Variants in TACR1 observed in about 807,000 individuals in gnomAD.
TACR1 encodes the protein substance-P receptor.
In TACR1, 25 loss-of-function variants were observed where a neutral mutation model predicts 35.8. That is an observed-to-expected ratio of 0.70 (90% CI 0.51 to 0.98). The LOEUF (loss-of-function observed/expected upper bound fraction) is 0.98, where lower values mean the gene tolerates loss of function less well. Ranked by LOEUF, TACR1 falls within the 50% of genes least tolerant of loss-of-function variation. The pLI, the probability that TACR1 is intolerant of heterozygous loss-of-function variation, is 0.00. For missense variants in TACR1, 478 were observed against 522.9 expected, an observed-to-expected ratio of 0.91 and a Z score of 0.84; for synonymous variants, 195 against 206.7, an observed-to-expected ratio of 0.94 and a Z score of 0.48.
intron 1 of TACR1, among the ~76,000 whole-genome samples, chr2:75,183,451 G>A (rs746106421): frequency 6.6e-6 from 1 of 152,138 alleles, no homozygotes; most frequent in Non-Finnish European, 1.5e-5. Context: ...TCACAGTCTT[G>A]TCAAATGTCT....
chr2:75,179,810 G>A (rs554864719), intron 1 of TACR1, among the ~76,000 whole-genome samples: 2 of 152,326 alleles, frequency 1.3e-5, no homozygotes, highest in African/African-American at 4.8e-5. Flanking sequence ...TTTTCAGGGA[G>A]GTTCTCAGGA....
At position 75,161,325 on chromosome 2, in the gene TACR1, A is replaced by G. The variant is rs80053375; in HGVS notation, c.389+37221T>C. ...TTATAATATCATTATGAGGCTTATT[A>G]CAAATGTCAAAAATAGCTCTTTAAA... On this transcript the variant is annotated intron_variant, in intron 1 of 4. Transcript: ENST00000305249. Among the ~76,000 whole-genome samples the G allele has an allele frequency of 6.3e-3, 956 of 152,264 alleles. 13 individuals are homozygous for G. The highest frequency in any genetic ancestry group is 0.022 in the African/African-American group (911 of 41,572).
chr2:75,068,899 C>T (rs1041601285), intron 2 of TACR1, among the ~76,000 whole-genome samples: 6 of 152,184 alleles, frequency 3.9e-5, no homozygotes, highest in African/African-American at 1.4e-4. Context: ...ATCAGTATGG[C>T]ATACATACTT....
chr2:75,171,847 C>G (rs909626234), intron 1 of TACR1, among the ~76,000 whole-genome samples: 1 of 152,168 alleles, frequency 6.6e-6, no homozygotes, highest in African/African-American at 2.4e-5. Flanking sequence ...AACTAACTTG[C>G]TTTTGATTTT....
intron 1 of TACR1, among the ~76,000 whole-genome samples, chr2:75,128,827 C>G (rs1416751949): frequency 3.9e-5 from 6 of 152,158 alleles, no homozygotes; most frequent in African/African-American, 1.4e-4. Context: ...TATATGGAAT[C>G]TCATGCTTGC....
At chr2:75,055,292 A>T (rs1672547440) in intron 2 of TACR1, among the ~76,000 whole-genome samples, 2 of 152,238 alleles carry the variant, frequency 1.3e-5, no homozygotes, top group Admixed American at 6.5e-5. Flanking sequence ...GAAGATACTC[A>T]AAGACTGCTT....
At chr2:75,100,843 T>C (rs1013489353) in intron 2 of TACR1, among the ~76,000 whole-genome samples, 2 of 152,220 alleles carry the variant, frequency 1.3e-5, no homozygotes, top group African/African-American at 4.8e-5. Flanking sequence ...TTCAGAAGAA[T>C]GCAACCTTCA....
intron 1 of TACR1, among the ~76,000 whole-genome samples, chr2:75,163,329 A>G (rs1675056614): frequency 6.6e-6 from 1 of 152,184 alleles, no homozygotes; most frequent in Non-Finnish European, 1.5e-5. Context: ...TTTTGGGCTC[A>G]AGTTCTTTAG....
chr2:75,051,512 C>T, intron 3 of TACR1, 65 bp from the exon 4 acceptor site: 1 of 1,591,448 alleles, frequency 6.3e-7, no homozygotes, highest in Non-Finnish European at 8.5e-7. Flanking sequence ...TGCTTCCTCT[C>T]TCCTCCCACG....
intron 2 of TACR1, among the ~76,000 whole-genome samples, chr2:75,089,795 G>A (rs1163911085): frequency 6.6e-6 from 1 of 152,014 alleles, no homozygotes; most frequent in Non-Finnish European, 1.5e-5. Flanking sequence ...AGGGGAATCT[G>A]GGCTTGAAGG....
At chr2:75,171,746 G>A (rs1185019683) in intron 1 of TACR1, among the ~76,000 whole-genome samples, 4 of 152,226 alleles carry the variant, frequency 2.6e-5, no homozygotes, top group African/African-American at 9.6e-5. Context: ...GGACTTGCAT[G>A]GGGCCTGTAG....
At chr2:75,065,029 A>G (rs142647295) in intron 2 of TACR1, among the ~76,000 whole-genome samples, 2 of 152,342 alleles carry the variant, frequency 1.3e-5, no homozygotes, top group Non-Finnish European at 2.9e-5. Context: ...GCCTGGCAAG[A>G]TGATATCAGT....
Position 75,066,978 on chromosome 2 carries a change from C to T in TACR1, c.585-13223G>A, listed in dbSNP as rs139774632. Among the ~76,000 whole-genome samples, 134 of 151,414 alleles carry T rather than the reference C, an allele frequency of 8.8e-4. 1 individual carries two copies. Among genetic ancestry groups the T allele is most frequent in the African/African-American group, 3.0e-3 (124 of 41,324 alleles). ...TCTTTTATGCAACCTCCTCGTCTTA[C>T]AAAAAAAAGGTCTTTATTGCTGGAA... On this transcript the variant is annotated intron_variant, in intron 2 of 4. Transcript: ENST00000305249.
chr2:75,111,817 T>C (rs1444929935), intron 2 of TACR1, among the ~76,000 whole-genome samples: 1 of 151,988 alleles, frequency 6.6e-6, no homozygotes, highest in Non-Finnish European at 1.5e-5. Flanking sequence ...AAACCAAGAA[T>C]GGTGGTTGTC....
chr2:75,090,695 C>T (rs562193810), intron 2 of TACR1: 2 of 154,028 alleles, frequency 1.3e-5, no homozygotes, highest in South Asian at 2.0e-4. Context: ...TCTGTATGCT[C>T]TCTTACACCT....
rs1224622181 is a variant in TACR1 at position 75,199,364 on chromosome 2, G to C, written c.-430C>G. 5.9e-6 allele frequency: 1 copy of C among 168,282 alleles called. No individual in the cohort carries two copies. Among genetic ancestry groups the C allele is most frequent in the East Asian group, 1.5e-4 (1 of 6,674 alleles). The allele number at this position is 168,282 out of a possible 1,614,324, so 10.4% of individuals were successfully genotyped here. A position where few individuals can be genotyped will look rare whatever the true frequency, so the allele number is the denominator to read the frequency against. On this transcript the variant is annotated 5_prime_UTR_variant, in exon 1 of 5. Transcript: ENST00000305249. ...CTGTGCTGCGTGAGGACTTAGGAGC[G>C]AAGTGGGGGCCCATTGCAGCGCGAC...
intron 2 of TACR1, among the ~76,000 whole-genome samples, chr2:75,077,231 A>C (rs1301736697): frequency 6.6e-6 from 1 of 152,154 alleles, no homozygotes; most frequent in African/African-American, 2.4e-5. Flanking sequence ...TGGCCTCCCA[A>C]AGTGCTGGGA....
chr2:75,128,013 G>T lies in TACR1; in HGVS notation c.390-7245C>A, dbSNP rs72807382. 2.4e-3 allele frequency among the ~76,000 whole-genome samples: 369 copies of T among 152,276 alleles called. 3 individuals carry two copies. The highest frequency in any genetic ancestry group is 8.4e-3 in the African/African-American group (348 of 41,566). On this transcript the variant is annotated intron_variant, in intron 1 of 4. Coordinates refer to ENST00000305249, the MANE Select transcript of TACR1 (RefSeq NM_001058.4). ...TTATAGCAGAACAATCTGTGCTCCT[G>T]TTCTATCCCATCACTGGACGGTAAG...
intron 2 of TACR1, among the ~76,000 whole-genome samples, chr2:75,086,010 T>G (rs1323307563): frequency 6.6e-6 from 1 of 152,220 alleles, no homozygotes; most frequent in Non-Finnish European, 1.5e-5. Flanking sequence ...GGAGTATTAG[T>G]TTCATGTTCT....
Sources: gnomAD v4.1 joint callset for allele counts (sites outside exome capture counted in the v4.1 genomes callset) on GRCh38, gnomAD v4.1.1 for gene constraint, MANE v1.5 for transcripts, NCBI Gene and HGNC (gene_info 2026-07-23, HGNC 2026-07-21) for gene names.